The following MYCBP2 variants were observed in gnomAD, a reference collection of about 807,000 sequenced individuals.
MYCBP2 encodes the protein MYC binding protein 2.
A neutral mutation model predicts 525.3 loss-of-function variants in MYCBP2; 120 were observed. The ratio of observed to expected loss-of-function variants is 0.23; its 90% CI spans 0.20 to 0.27. The LOEUF (loss-of-function observed/expected upper bound fraction) is 0.27, where lower values mean the gene tolerates loss of function less well. MYCBP2 is among the 10% of genes least tolerant of loss of function. The pLI is 1.00. For synonymous variants in MYCBP2, 1,894 were observed against 1,955.8 expected (o/e 0.97, Z 0.83); for missense variants, 4,149 against 5,657.1 (o/e 0.73, Z 8.55).
chr13:77,181,300 T>C (rs1160673012), intron 33 of MYCBP2, among the ~76,000 whole-genome samples: 1 of 152,186 alleles, frequency 6.6e-6, no homozygotes. Flanking sequence ...CAAAGTGTTA[T>C]TAAGTAGATA....
chr13:77,066,177 C>A, intron 71 of MYCBP2, 89 bp from the exon 72 acceptor site: 2 of 923,160 alleles, frequency 2.2e-6, no homozygotes, highest in South Asian at 1.6e-5. Context: ...CAGAATGCAG[C>A]ATTTTAGATT....
chr13:77,204,529 C>T (rs1354730323), intron 26 of MYCBP2, among the ~76,000 whole-genome samples: 3 of 102,926 alleles, frequency 2.9e-5, no homozygotes, highest in African/African-American at 3.9e-5. Context: ...ACCATTTGAC[C>T]CAGCCATCCC....
chr13:77,108,705 ATTTTT>A (rs756968110), intron 55 of MYCBP2, among the ~76,000 whole-genome samples: 1 of 142,534 alleles, frequency 7.0e-6, no homozygotes, highest in East Asian at 2.0e-4. Flanking sequence ...AAGATACTTT[ATTTTT>A]TTTTTTTTTT....
chr13:77,101,760 TAA>T (rs748687890), intron 55 of MYCBP2, among the ~76,000 whole-genome samples: 1 of 151,834 alleles, frequency 6.6e-6, no homozygotes, highest in Non-Finnish European at 1.5e-5. Context: ...TTTTATATAT[TAA>T]AAAAAACTAT....
In MYCBP2 at chr13:77,158,109, C is replaced by T; in HGVS notation, c.6598G>A (p.Val2200Met). The T allele has an allele frequency of 6.5e-7, 1 of 1,542,886 alleles. No individual in the cohort carries two copies. Among genetic ancestry groups the T allele is most frequent in the Admixed American group, 2.2e-5 (1 of 45,874 alleles). The change falls in exon 45 of 83, where the codon GTG (valine) becomes ATG (methionine). Residue 2200 changes from valine to methionine, a missense_variant and splice_region_variant. This residue lies in a region of MYCBP2 where 692 missense variants were observed against 852.7 expected (regional missense o/e 0.81). Transcript: ENST00000544440. ...AGAATTCCAGAATGGGTTTTGCACACCTGTTAAGTAAAAAAGAATATTTAT... is the reference window on the plus strand; with the variant it reads ...AGAATTCCAGAATGGGTTTTGCACATCTGTTAAGTAAAAAAGAATATTTAT... ...LEILEEAALQ[V>M]CKTHSGILGK...
chr13:77,200,190 T>G (rs929172408), intron 26 of MYCBP2, among the ~76,000 whole-genome samples: 2 of 151,836 alleles, frequency 1.3e-5, no homozygotes, highest in African/African-American at 2.4e-5. Context: ...TACAGAGAAG[T>G]GCTTAAAGGA....
chr13:77,323,013 C>T (rs1403864199), intron 1 of MYCBP2, among the ~76,000 whole-genome samples: 1 of 152,118 alleles, frequency 6.6e-6, no homozygotes, highest in African/African-American at 2.4e-5. Flanking sequence ...AGTCCCCACA[C>T]CCCTCATTCT....
intron 55 of MYCBP2, among the ~76,000 whole-genome samples, chr13:77,119,106 G>GT (rs2050260299): frequency 6.6e-6 from 1 of 152,120 alleles, no homozygotes; most frequent in African/African-American, 2.4e-5. Flanking sequence ...TTAAAAATCT[G>GT]TAAGTCCTAT....
intron 17 of MYCBP2, among the ~76,000 whole-genome samples, chr13:77,238,057 C>G (rs2068211254): frequency 6.6e-6 from 1 of 151,840 alleles, no homozygotes; most frequent in Non-Finnish European, 1.5e-5. Flanking sequence ...TCCTGGCTAA[C>G]AAAGTGAAAC....
chr13:77,087,502 G>T lies in MYCBP2; in HGVS notation c.10857C>A (p.Ser3619Arg). ...EEEEDEENKT[S>R]KENSEQEKDT... ...CATTTACTTGTTCTGAATTTTCTTT[G>T]CTTGTTTTATTTTCTTCATCCTCTT... The change falls in exon 62 of 83, where the codon AGC (serine) becomes AGA (arginine). Residue 3619 changes from serine (S) to arginine (R), a missense_variant. This residue lies in a region of MYCBP2 where 509 missense variants were observed against 789.4 expected (regional missense o/e 0.64). Coordinates refer to ENST00000544440, the MANE Select transcript of MYCBP2 (RefSeq NM_015057.5). 6.2e-7 allele frequency: 1 copy of T among 1,610,854 alleles called. No homozygotes were observed. The highest frequency in any genetic ancestry group is 8.5e-7 in the Non-Finnish European group (1 of 1,178,310).
chr13:77,080,942 G>GA (rs11424523), intron 65 of MYCBP2: 13,872 of 120,204 alleles, frequency 0.12, 798 homozygotes, highest in African/African-American at 0.19. Context: ...CTCCATCTCA[G>GA]AAAAAAAAAA....
intron 74 of MYCBP2, 69 bp from the exon 75 acceptor site, chr13:77,061,859 T>C: frequency 7.2e-7 from 1 of 1,387,798 alleles, no homozygotes; most frequent in Non-Finnish European, 9.6e-7. Context: ...AAATTGAATA[T>C]AATTTATTTA....
chr13:77,318,014 C>T (rs17067442), intron 1 of MYCBP2, among the ~76,000 whole-genome samples: 8,182 of 148,082 alleles, frequency 0.055, 366 homozygotes, highest in East Asian at 0.17. Context: ...AACAGTGGGT[C>T]CCTTATTCTG....
intron 17 of MYCBP2, among the ~76,000 whole-genome samples, chr13:77,234,686 T>C (rs1468389648): frequency 1.3e-5 from 2 of 152,040 alleles, no homozygotes; most frequent in Non-Finnish European, 2.9e-5. Flanking sequence ...TTCTAAAATG[T>C]AATAAAATTG....
chr13:77,132,414 A>C (rs1054632223), intron 52 of MYCBP2, among the ~76,000 whole-genome samples: 2 of 152,180 alleles, frequency 1.3e-5, no homozygotes, highest in African/African-American at 4.8e-5. Context: ...AAACAAGATT[A>C]ACAAATGATA....
At chr13:77,227,725 A>G (rs2154297847) in intron 18 of MYCBP2, among the ~76,000 whole-genome samples, 1 of 152,310 alleles carries the variant, frequency 6.6e-6, no homozygotes, top group African/African-American at 2.4e-5. Flanking sequence ...CCTAGTTATA[A>G]GGTTTTACCT....
intron 3 of MYCBP2, among the ~76,000 whole-genome samples, chr13:77,287,134 G>A (rs1366431770): frequency 6.6e-6 from 1 of 150,466 alleles, no homozygotes; most frequent in Non-Finnish European, 1.5e-5. Context: ...TGATCCGCCC[G>A]CCTTGGCCTC....
Position 77,326,442 on chromosome 13 carries a change from G to T in MYCBP2, c.302+32C>A. The T allele has an allele frequency of 6.6e-7, 1 of 1,517,206 alleles. No homozygotes were observed. The allele number at this position is 1,517,206 out of a possible 1,614,324, so 94.0% of individuals were successfully genotyped here. On this transcript the variant is annotated intron_variant, in intron 1 of 82. Transcript: ENST00000544440. The surrounding 1 kb of genome is among the most constrained non-coding windows in gnomAD (Gnocchi z 4.2). ...CATGGGGCGCAAGGAAGGGCGGCAT[G>T]GGGCGCAAGGAAGGGCACCCTGGGG... is the stretch of plus-strand genomic sequence containing the variant.
At chr13:77,099,100 T>C (rs2046676499) in intron 55 of MYCBP2, 87 bp from the exon 56 acceptor site, 1 of 1,509,826 alleles carries the variant, frequency 6.6e-7, no homozygotes, top group South Asian at 1.2e-5. Context: ...TAAAAAAACA[T>C]AGCTACAAAA....
Sources: allele counts gnomAD v4.1 joint callset (sites outside exome capture counted in the v4.1 genomes callset), GRCh38; gene constraint gnomAD v4.1.1; regional missense constraint gnomAD v4.1.1; non-coding constraint Gnocchi (gnomAD v3.1); transcripts MANE v1.5; gene names NCBI Gene and HGNC (gene_info 2026-07-23, HGNC 2026-07-21).